TMEM35A: variants seen among roughly 807,000 people sequenced by gnomAD.
TMEM35A encodes the protein transmembrane protein 35A, also known as nicotinic acetylcholine receptor chaperone.
For missense variants in TMEM35A, 83 were observed against 132.7 expected (o/e 0.63, Z 1.84); for synonymous variants, 50 against 54.7 (o/e 0.91, Z 0.38).
chrX:101,090,836 A>ATT (rs1173631039), intron 1 of TMEM35A, among the ~76,000 whole-genome samples: 7 of 95,971 alleles, frequency 7.3e-5, no homozygotes, highest in Non-Finnish European at 1.1e-4. Flanking sequence ...GTTCTGTAGA[A>ATT]TTTTTTTTTT....
At position 101,090,169 on chromosome X, in the gene TMEM35A, C is replaced by CTTTTTTTTTTTTTTTTTTTT. The variant is rs771239790; in HGVS notation, c.121-4393_121-4392insTTTTTTTTTTTTTTTTTTTT. On this transcript the variant is annotated intron_variant, in intron 1 of 1. Coordinates refer to ENST00000372930, the MANE Select transcript of TMEM35A (RefSeq NM_021637.3). The stretch of plus-strand genomic sequence containing the variant: ...ACTCTGTCTTTCCATTTCTTTCTTT[C>CTTTTTTTTTTTTTTTTTTTT]TTTTTTTTTTTGAGACAGAGTCTTG... Among the ~76,000 whole-genome samples the CTTTTTTTTTTTTTTTTTTTT allele has an allele frequency of 4.8e-4, 47 of 97,486 alleles. 3 individuals are homozygous for CTTTTTTTTTTTTTTTTTTTT. The highest frequency in any genetic ancestry group is 2.0e-3 in the African/African-American group (46 of 22,743). 84.7% of individuals were successfully genotyped at this position (97,486 alleles called of 115,157 possible).
At chrX:101,083,988 A>G (rs1430012321) in intron 1 of TMEM35A, among the ~76,000 whole-genome samples, 1 of 109,892 alleles carries the variant, frequency 9.1e-6, no homozygotes, top group Non-Finnish European at 1.9e-5. Flanking sequence ...CGGGAGTTCA[A>G]GACCAGGCTG....
At chrX:101,092,943 G>C (rs1307414350) in intron 1 of TMEM35A, among the ~76,000 whole-genome samples, 2 of 111,881 alleles carry the variant, frequency 1.8e-5, no homozygotes, top group Non-Finnish European at 3.8e-5. Flanking sequence ...AAGGTTTGGG[G>C]ATTTATCTCA....
At chrX:101,087,080 C>A (rs1029354213) in intron 1 of TMEM35A, among the ~76,000 whole-genome samples, 6 of 109,338 alleles carry the variant, frequency 5.5e-5, no homozygotes, top group Admixed American at 2.0e-4. Flanking sequence ...CCTCAGCCTC[C>A]CGAGTAGCTG....
chrX:101,085,901 C>T (rs1444380501), intron 1 of TMEM35A, among the ~76,000 whole-genome samples: 5 of 110,436 alleles, frequency 4.5e-5, no homozygotes, highest in African/African-American at 1.6e-4. Context: ...CGCGCCACTG[C>T]ACTCCAGCCT....
rs374716786 is a variant in TMEM35A, at chrX:101,079,129, G to A, written c.120+7G>A. 6.7e-4 allele frequency: 808 copies of A among 1,208,307 alleles called. 1 individual carries two copies. The highest frequency in any genetic ancestry group is 7.8e-4 in the Non-Finnish European group (702 of 894,621). On this transcript the variant is annotated splice_region_variant and intron_variant, in intron 1 of 1. Transcript: ENST00000372930. Reference sequence around the variant, plus strand: ...GGATGCCTACAGTGAGATGGTAAGTGAAGCAAACGGGTGATGAGGAGCGCA... The same window carrying A: ...GGATGCCTACAGTGAGATGGTAAGTAAAGCAAACGGGTGATGAGGAGCGCA...
chrX:101,094,261 G>A (rs946858917), intron 1 of TMEM35A: 1 of 146,096 alleles, frequency 6.8e-6, no homozygotes, highest in African/African-American at 3.2e-5. Flanking sequence ...GATTACAGGT[G>A]CCCGCCACCA....
At chrX:101,093,275 T>C (rs1246827448) in intron 1 of TMEM35A, among the ~76,000 whole-genome samples, 2 of 111,877 alleles carry the variant, frequency 1.8e-5, no homozygotes, top group Non-Finnish European at 3.8e-5. Context: ...AGTGAATTTT[T>C]AAAAAATTCT....
Position 101,079,119 on chromosome X carries a change from G to C in TMEM35A, c.117G>C (p.Glu39Asp). The change falls in exon 1 of 2, where the codon GAG (glutamate) becomes GAC (aspartate). Residue 39 changes from glutamate (E) to aspartate (D), a missense_variant. Coordinates refer to ENST00000372930, the MANE Select transcript of TMEM35A (RefSeq NM_021637.3). ...TPRLSKDAYS[E>D]MKRAYKSYVR... Reference sequence around the variant, plus strand: ...GGCTCAGCAAGGATGCCTACAGTGAGATGGTAAGTGAAGCAAACGGGTGAT... The same window carrying C: ...GGCTCAGCAAGGATGCCTACAGTGACATGGTAAGTGAAGCAAACGGGTGAT... 1 of 1,210,869 alleles carries C rather than the reference G, an allele frequency of 8.3e-7. No individual in the cohort carries two copies. The highest frequency in any genetic ancestry group is 1.1e-6 in the Non-Finnish European group (1 of 895,167).
intron 1 of TMEM35A, among the ~76,000 whole-genome samples, chrX:101,082,687 C>A (rs1270546438): frequency 9.1e-6 from 1 of 110,280 alleles, no homozygotes. Flanking sequence ...TCTTGTTGCC[C>A]AGGCTGGAGT....
intron 1 of TMEM35A, among the ~76,000 whole-genome samples, chrX:101,090,369 T>C (rs2089320702): frequency 9.6e-6 from 1 of 103,993 alleles, no homozygotes; most frequent in Non-Finnish European, 2.0e-5. Context: ...GGTTTCGCCA[T>C]ATTGGCCAGG....
intron 1 of TMEM35A, among the ~76,000 whole-genome samples, chrX:101,093,261 G>A (rs1320003286): frequency 2.7e-5 from 3 of 111,390 alleles, no homozygotes; most frequent in Admixed American, 9.6e-5. Flanking sequence ...GTTTTTATGG[G>A]CCTAGTGAAT....
intron 1 of TMEM35A, among the ~76,000 whole-genome samples, chrX:101,083,033 A>G (rs746049543): frequency 1.2e-4 from 13 of 111,671 alleles, no homozygotes; most frequent in African/African-American, 3.6e-4. Context: ...TGAAAAATCC[A>G]CACTTGCTGC....
At chrX:101,081,801 T>C (rs1051084533) in intron 1 of TMEM35A, 3 of 112,047 alleles carry the variant, frequency 2.7e-5, no homozygotes, top group African/African-American at 9.7e-5. Flanking sequence ...ATTTAGTGTA[T>C]TCGTTATTTT....
intron 1 of TMEM35A, among the ~76,000 whole-genome samples, chrX:101,089,221 C>T (rs958526172): frequency 5.4e-5 from 6 of 110,817 alleles, no homozygotes; most frequent in African/African-American, 2.0e-4. Context: ...TTTGTATTTC[C>T]ATATAGGCTC....
intron 1 of TMEM35A, among the ~76,000 whole-genome samples, chrX:101,083,555 A>G (rs1053077561): frequency 9.0e-6 from 1 of 111,701 alleles, no homozygotes; most frequent in Non-Finnish European, 1.9e-5. Flanking sequence ...CACTCCCAAT[A>G]TGTTTGGGCA....
chrX:101,082,144 T>C (rs1482464736), intron 1 of TMEM35A, among the ~76,000 whole-genome samples: 1 of 98,712 alleles, frequency 1.0e-5, no homozygotes, highest in Non-Finnish European at 2.0e-5. Context: ...TTTTTTTTTT[T>C]TTTTTTTTTT....
intron 1 of TMEM35A, among the ~76,000 whole-genome samples, chrX:101,086,220 A>G (rs1457556029): frequency 9.0e-6 from 1 of 111,692 alleles, no homozygotes; most frequent in Non-Finnish European, 1.9e-5. Context: ...TCCCAGGTTC[A>G]AGTGATTCTC....
At chrX:101,080,308 A>C (rs1267156752) in intron 1 of TMEM35A, among the ~76,000 whole-genome samples, 1 of 111,656 alleles carries the variant, frequency 9.0e-6, no homozygotes, top group Non-Finnish European at 1.9e-5. Context: ...GGGCCCCTTA[A>C]CGTGAGCTGC....
Sources: gnomAD v4.1 joint callset for allele counts (sites outside exome capture counted in the v4.1 genomes callset) on GRCh38, gnomAD v4.1.1 for gene constraint, MANE v1.5 for transcripts, NCBI Gene and HGNC (gene_info 2026-07-23, HGNC 2026-07-21) for gene names.